MAGI2: variants seen among roughly 807,000 people sequenced by gnomAD.
The protein encoded by MAGI2 is membrane associated guanylate kinase, WW and PDZ domain containing 2, also known as membrane-associated guanylate kinase, WW and PDZ domain-containing protein 2.
MAGI2 carries 35 observed loss-of-function variants against 133.3 expected under a neutral mutation model. That is an observed-to-expected ratio of 0.26 (90% CI 0.20 to 0.35). The LOEUF (loss-of-function observed/expected upper bound fraction) is 0.35. Among genes scored for constraint, MAGI2 ranks in the 10% least tolerant of loss-of-function variants. MAGI2 has a pLI of 1.00. For missense variants in MAGI2, 1,636 were observed against 1,863.4 expected (o/e 0.88, Z 2.25); for synonymous variants, 729 against 710.6 (o/e 1.03, Z -0.41).
At chr7:78,646,002 G>C (rs575732632) in intron 2 of MAGI2, among the ~76,000 whole-genome samples, 1 of 152,304 alleles carries the variant, frequency 6.6e-6, no homozygotes, top group African/African-American at 2.4e-5. Context: ...GCCTCCCAAA[G>C]TGCTGGGATT....
At chr7:79,290,914 C>T (rs1322765552) in intron 1 of MAGI2, among the ~76,000 whole-genome samples, 1 of 152,084 alleles carries the variant, frequency 6.6e-6, no homozygotes, top group Non-Finnish European at 1.5e-5. Context: ...ATTTGCATTA[C>T]TAATCGCGGG....
At position 79,336,350 on chromosome 7, in the gene MAGI2, C is replaced by T. The variant is rs950478912; in HGVS notation, c.301+116670G>A. Among the ~76,000 whole-genome samples, 9 of 151,834 alleles carry T rather than the reference C, an allele frequency of 5.9e-5. No homozygotes were observed. The East Asian group carries it at 1.2e-3, about 20-fold the overall frequency. On this transcript the variant is annotated intron_variant, in intron 1 of 21. Transcript: ENST00000354212. Reference sequence around the variant, plus strand: ...AAGCCCAAGCTCTTAAACATCAGTACGTTGGATAGTACTATAAACTGTTTA... The same window carrying T: ...AAGCCCAAGCTCTTAAACATCAGTATGTTGGATAGTACTATAAACTGTTTA...
At chr7:78,767,459 A>G (rs376022465) in intron 2 of MAGI2, among the ~76,000 whole-genome samples, 30 of 151,608 alleles carry the variant, frequency 2.0e-4, no homozygotes, top group African/African-American at 6.5e-4. Context: ...TGCAGACAGT[A>G]GAAGAAAAAT....
intron 3 of MAGI2, among the ~76,000 whole-genome samples, chr7:78,525,850 C>T (rs1796903259): frequency 6.6e-6 from 1 of 152,198 alleles, no homozygotes; most frequent in Non-Finnish European, 1.5e-5. Flanking sequence ...CTAACCTGCA[C>T]ACCGTCATGG....
intron 2 of MAGI2, among the ~76,000 whole-genome samples, chr7:78,694,362 G>T (rs1465979191): frequency 2.0e-5 from 3 of 152,144 alleles, no homozygotes; most frequent in Non-Finnish European, 2.9e-5. Context: ...TAAACCAGGT[G>T]GAATCCTACA....
chr7:79,405,782 AG>A (rs1325851894), intron 1 of MAGI2, among the ~76,000 whole-genome samples: 2 of 152,140 alleles, frequency 1.3e-5, no homozygotes, highest in African/African-American at 4.8e-5. Context: ...ACTGGGTCAG[AG>A]AAAATATCCT....
At chr7:78,898,271 A>G (rs1480498173) in intron 2 of MAGI2, among the ~76,000 whole-genome samples, 5 of 152,206 alleles carry the variant, frequency 3.3e-5, no homozygotes, top group African/African-American at 1.2e-4. Context: ...GTGGAAAACA[A>G]TGTGGCAAAT....
At chr7:78,738,749 G>T (rs566183197) in intron 2 of MAGI2, among the ~76,000 whole-genome samples, 47 of 152,268 alleles carry the variant, frequency 3.1e-4, no homozygotes, top group Admixed American at 3.3e-4. Flanking sequence ...GTTGAAGAAT[G>T]TCTCATATGG....
At chr7:78,144,769 ATT>A (rs1823121862) in intron 16 of MAGI2, among the ~76,000 whole-genome samples, 1 of 152,124 alleles carries the variant, frequency 6.6e-6, no homozygotes, top group South Asian at 2.1e-4. Context: ...ATTTTTTGTT[ATT>A]TTAATTTCTG....
In MAGI2 at chr7:78,799,251, G is replaced by T. The variant is rs2151382732; in HGVS notation, c.419-172012C>A. Among the ~76,000 whole-genome samples the T allele has an allele frequency of 2.0e-5, 3 of 152,182 alleles. No individual in the cohort carries two copies. The South Asian group carries it at 6.2e-4, about 32-fold the overall frequency. ...TGATAGCATACAAGGGGCTGTATAT[G>T]ACTATTCTGTACACTGGCAGAAGTA... is the stretch of plus-strand genomic sequence containing the variant. On this transcript the variant is annotated intron_variant, in intron 2 of 21. Transcript: ENST00000354212.
chr7:78,353,082 T>C (rs958629282), intron 7 of MAGI2: 13 of 152,242 alleles, frequency 8.5e-5, no homozygotes, highest in African/African-American at 3.1e-4. Flanking sequence ...TAAAATGTTA[T>C]TGCTGAGTGC....
chr7:79,379,790 C>A (rs10252300), intron 1 of MAGI2, among the ~76,000 whole-genome samples: 4,870 of 150,068 alleles, frequency 0.032, 250 homozygotes, highest in African/African-American at 0.11. Flanking sequence ...TCTTTTATAA[C>A]TATACTCTTA....
At chr7:79,229,794 A>T (rs11976971) in intron 1 of MAGI2, among the ~76,000 whole-genome samples, 91,669 of 151,552 alleles carry the variant, frequency 0.6, 29,027 homozygotes, top group Non-Finnish European at 0.7. Flanking sequence ...TTTTTTAAAA[A>T]TTTTTTTTTA....
intron 2 of MAGI2, among the ~76,000 whole-genome samples, chr7:78,629,440 G>C (rs887128733): frequency 6.6e-6 from 1 of 152,004 alleles, no homozygotes; most frequent in African/African-American, 2.4e-5. Context: ...TCTAGTCCCT[G>C]ATCTCTTGTA....
intron 10 of MAGI2, among the ~76,000 whole-genome samples, chr7:78,250,553 G>T (rs1007992179): frequency 1.3e-5 from 2 of 152,000 alleles, no homozygotes; most frequent in Admixed American, 1.3e-4. Context: ...TGTGTAAAAT[G>T]TTGAAACGGA....
chr7:78,077,877 G>A, intron 21 of MAGI2, among the ~76,000 whole-genome samples: 1 of 151,846 alleles, frequency 6.6e-6, no homozygotes, highest in East Asian at 1.9e-4. Flanking sequence ...TTATAGGCAT[G>A]TGCCACCATG....
Position 79,376,943 on chromosome 7 carries a change from A to G in MAGI2, c.301+76077T>C, listed in dbSNP as rs188190094. ...GCTTTGGGAAATGCAAATATCAATA[A>G]GAAAATATTCTTCTGCTTGGTAGAG... On this transcript the variant is annotated intron_variant, in intron 1 of 21. Transcript: ENST00000354212. Among the ~76,000 whole-genome samples the G allele has an allele frequency of 1.0e-3, 153 of 151,906 alleles. 1 individual carries two copies. The highest frequency in any genetic ancestry group is 3.6e-3 in the African/African-American group (149 of 41,502).
At chr7:79,218,443 T>C (rs1318084535) in intron 1 of MAGI2, among the ~76,000 whole-genome samples, 1 of 152,026 alleles carries the variant, frequency 6.6e-6, no homozygotes, top group Non-Finnish European at 1.5e-5. Context: ...CTTTACCAGT[T>C]TTATAGTCTA....
At chr7:79,098,891 A>G (rs1452755698) in intron 1 of MAGI2, among the ~76,000 whole-genome samples, 11 of 152,220 alleles carry the variant, frequency 7.2e-5, no homozygotes, top group Non-Finnish European at 1.5e-5. Context: ...GTTGTGAACA[A>G]ACAAGGAATG....
Sources: allele counts gnomAD v4.1 joint callset (sites outside exome capture counted in the v4.1 genomes callset), GRCh38; gene constraint gnomAD v4.1.1; transcripts MANE v1.5; gene names NCBI Gene and HGNC (gene_info 2026-07-23, HGNC 2026-07-21).